Variants in SLC12A6 observed in about 807,000 individuals in gnomAD.
SLC12A6 encodes K-Cl cotransporter 3.
SLC12A6 carries 66 observed loss-of-function variants against 135.3 expected under a neutral mutation model. The ratio of observed to expected loss-of-function variants is 0.49; its 90% CI spans 0.40 to 0.60. SLC12A6 has a LOEUF of 0.60. Among genes scored for constraint, SLC12A6 ranks in the 20% least tolerant of loss-of-function variants. The pLI is 0.00. For synonymous variants in SLC12A6, 513 were observed against 508.8 expected, an observed-to-expected ratio of 1.01 and a Z score of -0.11; for missense variants, 1,058 against 1,452.3, an observed-to-expected ratio of 0.73 and a Z score of 4.41.
chr15:34,322,221 A>C (rs1184789069), intron 2 of SLC12A6, among the ~76,000 whole-genome samples: 1 of 152,202 alleles, frequency 6.6e-6, no homozygotes, highest in East Asian at 1.9e-4. Flanking sequence ...TGTCTCTACT[A>C]AAAATATAAA....
chr15:34,238,318 A>G lies in SLC12A6; in HGVS notation c.2716T>C (p.Phe906Leu). 6.2e-7 allele frequency: 1 copy of G among 1,613,638 alleles called. No individual in the cohort carries two copies. ...CACACATCAATGTTGCCCTCAGAAA[A>G]TTGCTCCACATTGCTGGGAAAGAAG... ...ISFFPSNVEQ[F>L]SEGNIDVWWI... The change falls in exon 21 of 26, where the codon TTT becomes CTT. Residue 906 changes from phenylalanine (F) to leucine (L), a missense_variant. By Grantham distance (22) the Phe-to-Leu change is conservative. Around this residue, in one of 6 missense-constraint regions of SLC12A6, gnomAD observed 245 missense variants for 440.8 expected, o/e 0.56. Coordinates refer to ENST00000354181, the MANE Select transcript of SLC12A6 (RefSeq NM_001365088.1).
intron 2 of SLC12A6, among the ~76,000 whole-genome samples, chr15:34,290,654 T>C (rs917726075): frequency 3.9e-5 from 6 of 152,212 alleles, no homozygotes; most frequent in African/African-American, 1.4e-4. Context: ...TGAATCTGGG[T>C]GCTCCTGTAT....
intron 2 of SLC12A6, among the ~76,000 whole-genome samples, chr15:34,284,911 G>C (rs948473571): frequency 6.6e-6 from 1 of 152,210 alleles, no homozygotes; most frequent in African/African-American, 2.4e-5. Flanking sequence ...TCTGCAGGAA[G>C]AACAGTTAGT....
intron 6 of SLC12A6, chr15:34,257,437 C>T (rs1384105379): frequency 1.8e-6 from 1 of 543,712 alleles, no homozygotes. Flanking sequence ...ATTTCTAGTA[C>T]ATCATATAAT....
chr15:34,244,158 A>G, intron 15 of SLC12A6, 86 bp from the exon 16 acceptor site: 1 of 839,562 alleles, frequency 1.2e-6, no homozygotes, highest in Non-Finnish European at 2.1e-6. Flanking sequence ...GCTGTATTGA[A>G]GCCTGTTTCT....
intron 2 of SLC12A6, among the ~76,000 whole-genome samples, chr15:34,308,658 C>CAAAAAAAAAAA (rs1887929875): frequency 7.2e-6 from 1 of 139,780 alleles, no homozygotes; most frequent in African/African-American, 2.8e-5. Context: ...AAAAACAAAC[C>CAAAAAAAAAAA]AGATTGTTGG....
chr15:34,333,429 C>T (rs947261505), intron 2 of SLC12A6, among the ~76,000 whole-genome samples: 1 of 151,864 alleles, frequency 6.6e-6, no homozygotes, highest in Non-Finnish European at 1.5e-5. Flanking sequence ...CAGGGTTTCA[C>T]CGTGTTCCCC....
At chr15:34,332,110 T>G (rs1173641279) in intron 2 of SLC12A6, among the ~76,000 whole-genome samples, 1 of 152,252 alleles carries the variant, frequency 6.6e-6, no homozygotes, top group Non-Finnish European at 1.5e-5. Flanking sequence ...TTATCTTAGT[T>G]GATCATTTTC....
chr15:34,229,813 C>G lies in SLC12A6; in HGVS notation c.*4068G>C. 1 of 1,611,518 alleles carries G rather than the reference C, an allele frequency of 6.2e-7. No individual in the cohort carries two copies. The highest frequency in any genetic ancestry group is 1.1e-5 in the South Asian group (1 of 91,012). ...AACATGAGAAAGCAGCGCCTGGTCCCTATGTATTTGGGTCTTATTTACATC... is the reference window on the plus strand; with the variant it reads ...AACATGAGAAAGCAGCGCCTGGTCCGTATGTATTTGGGTCTTATTTACATC... On this transcript the variant is annotated 3_prime_UTR_variant, in exon 26 of 26. Coordinates refer to ENST00000354181, the MANE Select transcript of SLC12A6 (RefSeq NM_001365088.1).
intron 2 of SLC12A6, among the ~76,000 whole-genome samples, chr15:34,313,304 C>A (rs886519663): frequency 6.6e-6 from 1 of 152,156 alleles, no homozygotes; most frequent in African/African-American, 2.4e-5. Flanking sequence ...GAAAGCTAAA[C>A]AACCTTATTG....
chr15:34,280,197 A>G (rs940539329), intron 2 of SLC12A6, among the ~76,000 whole-genome samples: 3 of 152,258 alleles, frequency 2.0e-5, no homozygotes, highest in African/African-American at 7.2e-5. Context: ...TGAAGCAAAT[A>G]AAGGCTAGCT....
chr15:34,318,358 CAT>C (rs1411960870), intron 2 of SLC12A6, among the ~76,000 whole-genome samples: 2 of 152,188 alleles, frequency 1.3e-5, no homozygotes, highest in Admixed American at 1.3e-4. Flanking sequence ...ACACAGAACT[CAT>C]TGTGGGGAAA....
rs397963192 is a variant in SLC12A6, at chr15:34,326,858, CTTTTTTTTTTTT to C, written c.271+9540_271+9551del. ...AGGTGCACACCACCACAACTGGCTG[CTTTTTTTTTTTT>C]TTTTTTTTTTTTTTTTGTAGAGATG... is the stretch of plus-strand genomic sequence containing the variant. On this transcript the variant is annotated intron_variant, in intron 2 of 25. Transcript: ENST00000354181. Among the ~76,000 whole-genome samples the C allele has an allele frequency of 1.1e-4, 8 of 72,182 alleles. No individual in the cohort carries two copies. In the East Asian group the frequency reaches 2.5e-3, roughly 23 times the overall value. The allele number at this position is 72,182 out of a possible 152,430, so 47.4% of individuals were successfully genotyped here.
intron 16 of SLC12A6, 23 bp from the exon 17 acceptor site, chr15:34,242,244 G>A: frequency 6.4e-7 from 1 of 1,565,552 alleles, no homozygotes; most frequent in Non-Finnish European, 8.8e-7. Context: ...AAACAAAAAA[G>A]TATCTTTTAA....
chr15:34,235,837 A>C (rs952646005), intron 24 of SLC12A6, among the ~76,000 whole-genome samples, 178 bp downstream of exon 24: 17 of 152,174 alleles, frequency 1.1e-4, no homozygotes, highest in Non-Finnish European at 2.5e-4. Context: ...ATGTGGATAG[A>C]GGGGATGGTT....
rs564874837 is a variant in SLC12A6 at position 34,323,600 on chromosome 15, A to T, written c.271+12810T>A. ...GTCCCCGACCTTAGTCTGTGGAAAA[A>T]CTGTCTTCCATGAAACCAGCCTCTG... On this transcript the variant is annotated intron_variant, in intron 2 of 25. Coordinates refer to ENST00000354181, the MANE Select transcript of SLC12A6 (RefSeq NM_001365088.1). 2.2e-4 allele frequency among the ~76,000 whole-genome samples: 34 copies of T among 152,206 alleles called. 1 individual carries two copies. In the South Asian group the frequency reaches 7.0e-3, roughly 32 times the overall value.
chr15:34,292,079 A>AT (rs1170128745), intron 2 of SLC12A6, among the ~76,000 whole-genome samples: 1 of 152,024 alleles, frequency 6.6e-6, no homozygotes, highest in Non-Finnish European at 1.5e-5. Context: ...GGTTTTTGGA[A>AT]TTTTTTAGCC....
chr15:34,308,465 G>T (rs1362579605), intron 2 of SLC12A6, among the ~76,000 whole-genome samples: 1 of 151,670 alleles, frequency 6.6e-6, no homozygotes, highest in Non-Finnish European at 1.5e-5. Context: ...TCTCTACTAA[G>T]AATATGAAAA....
chr15:34,309,440 G>T (rs1887991975), intron 2 of SLC12A6, among the ~76,000 whole-genome samples: 1 of 152,096 alleles, frequency 6.6e-6, no homozygotes, highest in African/African-American at 2.4e-5. Flanking sequence ...TAAATCAGTT[G>T]AAATCTGGTG....
Sources: allele counts gnomAD v4.1 joint callset (sites outside exome capture counted in the v4.1 genomes callset), GRCh38; gene constraint gnomAD v4.1.1; regional missense constraint gnomAD v4.1.1; transcripts MANE v1.5; gene names NCBI Gene and HGNC (gene_info 2026-07-23, HGNC 2026-07-21).